Variants in SLC25A33 observed in about 807,000 individuals in gnomAD.
SLC25A33 encodes the protein bone marrow stromal cell mitochondrial carrier protein.
A neutral mutation model predicts 35.5 loss-of-function variants in SLC25A33; 15 were observed. The observed-to-expected ratio is 0.42, with a 90% CI of 0.28 to 0.65. The LOEUF (loss-of-function observed/expected upper bound fraction) is 0.65, where lower values mean the gene tolerates loss of function less well. SLC25A33 is among the 30% of genes least tolerant of loss of function. The probability of loss-of-function intolerance (pLI) is 0.20; values close to 1 mark genes in which losing one functional copy is unlikely to be tolerated. For missense variants in SLC25A33, 257 were observed against 398.5 expected (o/e 0.64, Z 3.02); for synonymous variants, 136 against 148.7 (o/e 0.91, Z 0.62).
At chr1:9,545,483 C>T (rs188027289) in intron 1 of SLC25A33, among the ~76,000 whole-genome samples, 101 of 152,136 alleles carry the variant, frequency 6.6e-4, no homozygotes, top group Middle Eastern at 6.8e-3. Context: ...CTGCAACCTC[C>T]GCCCTCCGAG....
chr1:9,572,605 G>A (rs1643607099), intron 4 of SLC25A33, among the ~76,000 whole-genome samples: 1 of 151,992 alleles, frequency 6.6e-6, no homozygotes, highest in Non-Finnish European at 1.5e-5. Flanking sequence ...GACAGAGCAA[G>A]ACTCCCATCT....
At chr1:9,558,301 G>A (rs138697554) in intron 2 of SLC25A33, among the ~76,000 whole-genome samples, 14 of 152,302 alleles carry the variant, frequency 9.2e-5, no homozygotes, top group Non-Finnish European at 1.3e-4. Flanking sequence ...TTCTGCCTCC[G>A]TGGCTATTGC....
At position 9,567,264 on chromosome 1, in the gene SLC25A33, T is replaced by C. The variant is rs1437162748; in HGVS notation, c.237-20T>C. The C allele has an allele frequency of 6.2e-7, 1 of 1,610,708 alleles. No individual in the cohort carries two copies. The highest frequency in any genetic ancestry group is 1.7e-5 in the Admixed American group (1 of 59,764). On this transcript the variant is annotated intron_variant, in intron 2 of 6. Transcript: ENST00000302692. ...CCTTGCCTGAGGGGTTTTAAAGGTT[T>C]GTCTTTTCTTATTATTCAGGTCGAT...
intron 2 of SLC25A33, among the ~76,000 whole-genome samples, chr1:9,563,735 G>T (rs1643459549): frequency 6.6e-6 from 1 of 151,642 alleles, no homozygotes; most frequent in Non-Finnish European, 1.5e-5. Context: ...TTCTGAGACA[G>T]AGTCCTGCTC....
At chr1:9,570,149 T>C (rs1021499293) in intron 3 of SLC25A33, 109 bp from the exon 4 acceptor site, 19 of 909,250 alleles carry the variant, frequency 2.1e-5, no homozygotes, top group Non-Finnish European at 2.7e-5. Flanking sequence ...TTTTAGTACA[T>C]GGCAGCATCT....
At chr1:9,542,499 C>T (rs1643100912) in intron 1 of SLC25A33, among the ~76,000 whole-genome samples, 1 of 152,084 alleles carries the variant, frequency 6.6e-6, no homozygotes, top group Non-Finnish European at 1.5e-5. Context: ...ATTTTACTTT[C>T]TGTTAGGGAA....
chr1:9,550,011 A>ATATATATATATT (rs754618497), intron 1 of SLC25A33, among the ~76,000 whole-genome samples: 16 of 48,868 alleles, frequency 3.3e-4, no homozygotes, highest in African/African-American at 1.2e-3. Flanking sequence ...ATATATATAT[A>ATATATATATATT]TTTTTTTTTT....
At chr1:9,580,688 T>C (rs561077124) in intron 6 of SLC25A33, among the ~76,000 whole-genome samples, 50 of 151,978 alleles carry the variant, frequency 3.3e-4, no homozygotes, top group African/African-American at 1.2e-3. Flanking sequence ...AAACCCCGTC[T>C]CTACTAAAAA....
chr1:9,553,916 T>C (rs958298667), intron 2 of SLC25A33, 111 bp downstream of exon 2: 3 of 1,213,064 alleles, frequency 2.5e-6, no homozygotes, highest in Non-Finnish European at 3.4e-6. Flanking sequence ...ATAGCCTTGG[T>C]CCTAACTTAA....
chr1:9,565,196 T>C (rs1235992632), intron 2 of SLC25A33, among the ~76,000 whole-genome samples: 2 of 152,084 alleles, frequency 1.3e-5, no homozygotes, highest in Non-Finnish European at 2.9e-5. Flanking sequence ...TGCACAACAG[T>C]GTGGATGTAC....
chr1:9,576,421 G>C (rs939676313), intron 5 of SLC25A33: 2 of 368,850 alleles, frequency 5.4e-6, no homozygotes, highest in South Asian at 2.1e-5. Context: ...CGTGTCTACT[G>C]TGAAAATGAA....
intron 2 of SLC25A33, among the ~76,000 whole-genome samples, chr1:9,562,827 T>A (rs1018050881): frequency 5.6e-5 from 8 of 141,690 alleles, no homozygotes; most frequent in African/African-American, 2.1e-4. Flanking sequence ...CACTCCAGCC[T>A]GGGCAACAAG....
At position 9,567,320 on chromosome 1, in the gene SLC25A33, T is replaced by C; in HGVS notation, c.273T>C (p.Phe91=). ...ILEKEGPKSL[F]RGLGPNLVGV... is the part of the protein sequence containing the mutation. ...AGAAAGAGGGACCAAAGTCACTTTT[T>C]AGAGGCTTGGGTCCAAATTTGGTTG... Residue 91 remains phenylalanine, a synonymous_variant, in exon 3 of 7, where the codon TTT becomes TTC. Transcript: ENST00000302692. 6.2e-7 allele frequency: 1 copy of C among 1,614,052 alleles called. No homozygotes were observed. Among genetic ancestry groups the C allele is most frequent in the Non-Finnish European group, 8.5e-7 (1 of 1,179,974 alleles).
Position 9,578,518 on chromosome 1 carries a change from T to G in SLC25A33, c.483-1436T>G, listed in dbSNP as rs1352400217. Reference sequence around the variant, plus strand: ...TCATGGTTTTCATTTGCTGTTTTATTTTGATGTTTTATGATTTTATAAATT... The same window carrying G: ...TCATGGTTTTCATTTGCTGTTTTATGTTGATGTTTTATGATTTTATAAATT... On this transcript the variant is annotated intron_variant, in intron 5 of 6. Transcript: ENST00000302692. This position sits in a 1 kb window ranked among gnomAD's most constrained non-coding sequence, Gnocchi z 4.3. Among the ~76,000 whole-genome samples the G allele has an allele frequency of 6.6e-6, 1 of 152,210 alleles. No individual in the cohort carries two copies.
chr1:9,565,031 C>T (rs866742559), intron 2 of SLC25A33, among the ~76,000 whole-genome samples: 3 of 152,136 alleles, frequency 2.0e-5, no homozygotes, highest in Middle Eastern at 3.4e-3. Context: ...TGTGACGCCA[C>T]TGATAAGAGA....
At chr1:9,540,450 C>T (rs940281036) in intron 1 of SLC25A33, among the ~76,000 whole-genome samples, 1 of 151,942 alleles carries the variant, frequency 6.6e-6, no homozygotes, top group African/African-American at 2.4e-5. Context: ...ACCTTTTTTC[C>T]AGCGGAGACA....
intron 2 of SLC25A33, among the ~76,000 whole-genome samples, chr1:9,564,739 A>AAAATATATATATATAT (rs60174872): frequency 2.8e-4 from 27 of 96,530 alleles, no homozygotes; most frequent in African/African-American, 1.1e-3. Context: ...AAAAAAAAAA[A>AAAATATATATATATAT]ATATATATAT....
chr1:9,569,575 T>G (rs1643560348), intron 3 of SLC25A33, among the ~76,000 whole-genome samples: 1 of 152,128 alleles, frequency 6.6e-6, no homozygotes, highest in Non-Finnish European at 1.5e-5. Flanking sequence ...GTTAAGATCC[T>G]AAACTGCAAA....
intron 1 of SLC25A33, among the ~76,000 whole-genome samples, chr1:9,547,907 A>AGG (rs1280829535): frequency 6.6e-6 from 1 of 151,628 alleles, no homozygotes; most frequent in Non-Finnish European, 1.5e-5. Context: ...GCTGGAGTGC[A>AGG]GGGGTATGAT....
Sources: allele counts gnomAD v4.1 joint callset (sites outside exome capture counted in the v4.1 genomes callset), GRCh38; gene constraint gnomAD v4.1.1; non-coding constraint Gnocchi (gnomAD v3.1); transcripts MANE v1.5; gene names NCBI Gene and HGNC (gene_info 2026-07-23, HGNC 2026-07-21).